BRF1: variants seen among roughly 807,000 people sequenced by gnomAD.
BRF1 encodes the protein BRF1 general transcription factor IIIB subunit, also known as transcription factor IIIB 90 kDa subunit.
Under a neutral mutation model 81.7 loss-of-function variants are expected in BRF1, and 59 were observed. The ratio of observed to expected loss-of-function variants is 0.72; its 90% CI spans 0.59 to 0.90. The LOEUF (loss-of-function observed/expected upper bound fraction) is 0.90. Ranked by LOEUF, BRF1 falls within the 40% of genes least tolerant of loss-of-function variation. The probability of loss-of-function intolerance (pLI) is 0.00; values close to 1 mark genes in which losing one functional copy is unlikely to be tolerated. For synonymous variants in BRF1, 491 were observed against 395.6 expected (o/e 1.24, Z -2.86); for missense variants, 1,050 against 936.3 (o/e 1.12, Z -1.58).
intron 4 of BRF1, 159 bp downstream of exon 4, chr14:105,256,359 C>T: frequency 6.4e-7 from 1 of 1,568,496 alleles, no homozygotes; most frequent in Non-Finnish European, 8.6e-7. Context: ...TCATGAAGGC[C>T]CCTCATCCTA....
Position 105,241,296 on chromosome 14 carries a change from T to G in BRF1, c.663A>C (p.Thr221=). The change falls in exon 6 of 18, where the codon ACA becomes ACC. Residue 221 remains threonine, a synonymous_variant. Transcript: ENST00000547530. ...LQRMKRDWMH[T]GRRPSGLCGA... ...CGCAGAGGCCCGAGGGGCGCCGGCC[T>G]GTGTGCATCCAGTCCCGCTTCATCC... 6.2e-7 allele frequency: 1 copy of G among 1,612,522 alleles called. No individual in the cohort carries two copies. The highest frequency in any genetic ancestry group is 1.3e-5 in the African/African-American group (1 of 75,064).
chr14:105,287,785 A>G (rs903506882), intron 1 of BRF1, among the ~76,000 whole-genome samples: 1 of 152,262 alleles, frequency 6.6e-6, no homozygotes, highest in Non-Finnish European at 1.5e-5. Flanking sequence ...AAATGATTCT[A>G]AAGTTCAGTT....
chr14:105,254,864 A>C (rs1400487581), intron 4 of BRF1, among the ~76,000 whole-genome samples: 10 of 152,200 alleles, frequency 6.6e-5, no homozygotes, highest in African/African-American at 2.4e-4. Context: ...GCCCGGCCTA[A>C]ATACATGCAG....
upstream of BRF1, chr14:105,301,304 G>C (rs1489288815): frequency 1.4e-5 from 2 of 145,330 alleles, no homozygotes; most frequent in Non-Finnish European, 3.0e-5. Context: ...GACTCAGCCG[G>C]ATGCGGGGCT....
intron 14 of BRF1, among the ~76,000 whole-genome samples, chr14:105,218,181 A>G (rs1021777170): frequency 2.6e-5 from 4 of 152,098 alleles, no homozygotes; most frequent in Non-Finnish European, 4.4e-5. Flanking sequence ...ATGGCTACTC[A>G]GTGAAGACAG....
chr14:105,281,410 GC>G (rs2057096225), intron 2 of BRF1, among the ~76,000 whole-genome samples: 1 of 135,836 alleles, frequency 7.4e-6, no homozygotes, highest in Non-Finnish European at 1.5e-5. Context: ...GTGATCCTGA[GC>G]CCAGGTGTGA....
intron 3 of BRF1, among the ~76,000 whole-genome samples, chr14:105,267,987 C>G (rs2056496911): frequency 6.6e-6 from 1 of 151,756 alleles, no homozygotes; most frequent in African/African-American, 2.4e-5. Context: ...GAGGCTGAGG[C>G]TGGCAGGCCA....
chr14:105,309,776 CTT>C lies in BRF1; in HGVS notation c.-162+5544_-162+5545del, dbSNP rs928875653. 0.047 allele frequency among the ~76,000 whole-genome samples: 4,224 copies of C among 88,948 alleles called. 314 individuals carry two copies. The highest frequency in any genetic ancestry group is 0.21 in the African/African-American group (4,019 of 19,056). The allele number at this position is 88,948 out of a possible 152,430, so 58.4% of individuals were successfully genotyped here. On this transcript the variant is annotated intron_variant, in intron 1 of 17. Coordinates refer to the BRF1 transcript ENST00000327359. The surrounding 1 kb of genome is among the most constrained non-coding windows in gnomAD (Gnocchi z 4.0). ...TTAAGGAGAAGGTGGTGATGTGTGTCTTTTTTTTTTTTTTTTTTTTTTTTTTT... is the reference window on the plus strand; with the variant it reads ...TTAAGGAGAAGGTGGTGATGTGTGTCTTTTTTTTTTTTTTTTTTTTTTTTT...
rs969317704 is a variant in BRF1, at chr14:105,251,350, T to C, written c.544+1157A>G. On this transcript the variant is annotated intron_variant, in intron 5 of 17. Transcript: ENST00000547530. ...ACTAGCACCTCAGAGTCCTACCCTA[T>C]GAACAGACTGTCGGGGGAGCATTCT... Among the ~76,000 whole-genome samples, 10 of 152,290 alleles carry C rather than the reference T, an allele frequency of 6.6e-5. No individual in the cohort carries two copies. In the East Asian group the frequency reaches 9.6e-4, roughly 15 times the overall value.
At chr14:105,244,773 C>A (rs1595363981) in intron 5 of BRF1, among the ~76,000 whole-genome samples, 1 of 152,264 alleles carries the variant, frequency 6.6e-6, no homozygotes, top group East Asian at 1.9e-4. Flanking sequence ...ACTTAAGACA[C>A]ATCACCATAG....
intron 14 of BRF1, among the ~76,000 whole-genome samples, chr14:105,218,320 G>A (rs920687804): frequency 1.3e-5 from 2 of 152,260 alleles, no homozygotes; most frequent in Admixed American, 6.5e-5. Flanking sequence ...GCTGCCCCCC[G>A]CTGCACGATG....
At chr14:105,285,168 T>C (rs1256466615) in intron 2 of BRF1, among the ~76,000 whole-genome samples, 4 of 152,250 alleles carry the variant, frequency 2.6e-5, no homozygotes, top group African/African-American at 9.6e-5. Context: ...AAGCTGATCC[T>C]AAAATTCATA....
intron 4 of BRF1, among the ~76,000 whole-genome samples, chr14:105,254,326 T>G (rs758968365): frequency 6.6e-6 from 1 of 151,744 alleles, no homozygotes; most frequent in Admixed American, 6.6e-5. Context: ...GTGCAATCTC[T>G]GCTCACTGCA....
At chr14:105,268,845 G>A (rs1332482477) in intron 3 of BRF1, among the ~76,000 whole-genome samples, 5 of 152,192 alleles carry the variant, frequency 3.3e-5, no homozygotes, top group South Asian at 2.1e-4. Context: ...AAGGTGACGG[G>A]AGCTGTGCAG....
intron 5 of BRF1, among the ~76,000 whole-genome samples, chr14:105,245,628 G>A (rs774942277): frequency 6.6e-6 from 1 of 152,168 alleles, no homozygotes; most frequent in African/African-American, 2.4e-5. Flanking sequence ...GACAATGACA[G>A]ACAGATGACC....
intron 15 of BRF1, among the ~76,000 whole-genome samples, chr14:105,216,107 GCA>G (rs1891241013): frequency 6.6e-6 from 1 of 151,598 alleles, no homozygotes; most frequent in Admixed American, 6.6e-5. Context: ...ACAGACACAG[GCA>G]CACACTGCAT....
chr14:105,292,241 T>C (rs940645162), intron 1 of BRF1, among the ~76,000 whole-genome samples: 4 of 152,016 alleles, frequency 2.6e-5, no homozygotes, highest in Admixed American at 2.6e-4. Context: ...TGGAGTGTAA[T>C]GGCACGATCT....
At chr14:105,248,181 G>A (rs2055255756) in intron 5 of BRF1, 1 of 985,484 alleles carries the variant, frequency 1.0e-6, no homozygotes, top group Non-Finnish European at 1.2e-6. Flanking sequence ...GCTGGCTGCT[G>A]GCGTCCGTAG....
chr14:105,249,429 G>A (rs2055437419), intron 5 of BRF1: 1 of 1,607,086 alleles, frequency 6.2e-7, no homozygotes, highest in East Asian at 2.2e-5. Context: ...AGTCAAATCT[G>A]AAATTCACAT....
Sources: allele counts gnomAD v4.1 joint callset (sites outside exome capture counted in the v4.1 genomes callset), GRCh38; gene constraint gnomAD v4.1.1; non-coding constraint Gnocchi (gnomAD v3.1); transcripts MANE v1.5; gene names NCBI Gene and HGNC (gene_info 2026-07-23, HGNC 2026-07-21).